Variants in PIK3R6 observed in about 807,000 individuals in gnomAD.
PIK3R6 encodes the protein phosphoinositide 3-kinase regulatory subunit 6.
A neutral mutation model predicts 84.9 loss-of-function variants in PIK3R6; 91 were observed. The observed-to-expected ratio is 1.07, with a 90% CI of 0.90 to 1.28. The LOEUF (loss-of-function observed/expected upper bound fraction) is 1.28, where lower values mean the gene tolerates loss of function less well. Ranked by LOEUF, PIK3R6 falls within the 50% of genes most tolerant of loss-of-function variation. PIK3R6 has a pLI of 0.00. For synonymous variants in PIK3R6, 416 were observed against 411.4 expected (o/e 1.01, Z -0.13); for missense variants, 996 against 985.1 (o/e 1.01, Z -0.15).
At position 8,866,518 on chromosome 17, in the gene PIK3R6, C is replaced by T. The variant is rs531220154; in HGVS notation, c.-92+1011G>A. On this transcript the variant is annotated intron_variant, in intron 1 of 19. Coordinates refer to ENST00000619866, the MANE Select transcript of PIK3R6 (RefSeq NM_001010855.4). Reference sequence around the variant, plus strand: ...GATCGCACCACTACACTCCAGCCTGCGCAAAAGCGTGAGACTGTCTCAACA... The same window carrying T: ...GATCGCACCACTACACTCCAGCCTGTGCAAAAGCGTGAGACTGTCTCAACA... Among the ~76,000 whole-genome samples the T allele has an allele frequency of 7.2e-5, 11 of 152,182 alleles. No individual in the cohort carries two copies. In the East Asian group the frequency reaches 1.2e-3, roughly 16 times the overall value.
intron 1 of PIK3R6, among the ~76,000 whole-genome samples, 153 bp downstream of exon 1, chr17:8,867,376 A>G (rs1219543329): frequency 6.6e-6 from 1 of 152,208 alleles, no homozygotes; most frequent in Non-Finnish European, 1.5e-5. Context: ...CTTCTCAGAA[A>G]GACGGCCCTG....
At chr17:8,853,444 C>G (rs1597436336) in intron 1 of PIK3R6, among the ~76,000 whole-genome samples, 2 of 143,180 alleles carry the variant, frequency 1.4e-5, no homozygotes, top group South Asian at 4.4e-4. Flanking sequence ...GAGATTGTGC[C>G]ACTGCACTCC....
chr17:8,838,435 T>A, intron 4 of PIK3R6, 129 bp downstream of exon 4: 1 of 698,100 alleles, frequency 1.4e-6, no homozygotes, highest in South Asian at 1.8e-5. Flanking sequence ...AGGAGGGAGA[T>A]GCATATGGTA....
In PIK3R6 at chr17:8,803,391, G is replaced by A. The variant is rs745421607; in HGVS notation, c.2147C>T (p.Ala716Val). Residue 716 changes from alanine (A) to valine (V), a missense_variant, in exon 20 of 20, where the codon GCC becomes GTC. Coordinates refer to ENST00000619866, the MANE Select transcript of PIK3R6 (RefSeq NM_001010855.4). The surrounding 1 kb of genome is among the most constrained non-coding windows in gnomAD (Gnocchi z 5.0). ...GAGCCACGGTGCCTTGGACTTCTGG[G>A]CCCCAGAACATGGTTCTGGGCAGGG... is the stretch of plus-strand genomic sequence containing the variant. ...VAPCPEPCSG[A>V]QKSKAPWLNL... The A allele has an allele frequency of 6.2e-6, 10 of 1,612,880 alleles. No individual in the cohort carries two copies. In the African/African-American group the frequency reaches 1.2e-4, roughly 19 times the overall value.
chr17:8,821,893 C>T lies in PIK3R6; in HGVS notation c.1832G>A (p.Arg611Gln), dbSNP rs766215631. 58 of 1,595,806 alleles carry T rather than the reference C, an allele frequency of 3.6e-5. No individual in the cohort carries two copies. Among genetic ancestry groups the T allele is most frequent in the Non-Finnish European group, 4.4e-5 (52 of 1,171,158 alleles). ...HRPREVTVSL[R>Q]ATGLILKAIP... The stretch of plus-strand genomic sequence containing the variant: ...GGCCTTCAGGATCAGCCCAGTGGCC[C>T]GCAGGGAAACGGTGACCTCTCGGGG... Residue 611 changes from arginine (R) to glutamine (Q), a missense_variant, in exon 17 of 20, where the codon CGG becomes CAG. Arg to Gln is a conservative substitution (Grantham distance 43). Transcript: ENST00000619866.
intron 1 of PIK3R6, among the ~76,000 whole-genome samples, chr17:8,860,414 T>C (rs1015899870): frequency 2.6e-5 from 4 of 151,936 alleles, no homozygotes; most frequent in African/African-American, 9.7e-5. Flanking sequence ...GGTGGAGCAG[T>C]TTCATCCCGA....
chr17:8,828,432 G>T, intron 11 of PIK3R6, 135 bp downstream of exon 11: 2 of 1,177,052 alleles, frequency 1.7e-6, no homozygotes, highest in South Asian at 1.5e-5. Flanking sequence ...GCACTGTGCG[G>T]CATCCTCCTC....
At chr17:8,856,062 C>T (rs753756625) in intron 1 of PIK3R6, among the ~76,000 whole-genome samples, 6 of 152,154 alleles carry the variant, frequency 3.9e-5, no homozygotes, top group Non-Finnish European at 7.3e-5. Flanking sequence ...GGCAGCCAGG[C>T]GCTAAATCCT....
At chr17:8,805,023 A>G (rs2087161810) in intron 18 of PIK3R6, among the ~76,000 whole-genome samples, 1 of 152,192 alleles carries the variant, frequency 6.6e-6, no homozygotes, top group South Asian at 2.1e-4. Flanking sequence ...CATCTAGCAG[A>G]GGCACGAGCA....
At chr17:8,864,843 C>T (rs1439266648) in intron 1 of PIK3R6, among the ~76,000 whole-genome samples, 1 of 152,066 alleles carries the variant, frequency 6.6e-6, no homozygotes, top group Non-Finnish European at 1.5e-5. Flanking sequence ...AGCCCCTTCA[C>T]AGTTCCTGGC....
At chr17:8,806,781 T>TA (rs141705152) in intron 18 of PIK3R6, among the ~76,000 whole-genome samples, 2,842 of 152,330 alleles carry the variant, frequency 0.019, 54 homozygotes, top group African/African-American at 0.049. Flanking sequence ...ATCTGACCCT[T>TA]AAACTTACTG....
intron 8 of PIK3R6, among the ~76,000 whole-genome samples, chr17:8,834,457 C>T (rs2088381273): frequency 6.6e-6 from 1 of 152,058 alleles, no homozygotes; most frequent in Non-Finnish European, 1.5e-5. Context: ...TGCAGTGGTA[C>T]AGTCACAGCT....
chr17:8,861,181 C>CAAAAAAAA (rs35125812), intron 1 of PIK3R6, among the ~76,000 whole-genome samples: 2 of 95,654 alleles, frequency 2.1e-5, no homozygotes, highest in African/African-American at 4.0e-5. Flanking sequence ...GACTCTGTCT[C>CAAAAAAAA]AAAAAAAAAA....
intron 9 of PIK3R6, among the ~76,000 whole-genome samples, chr17:8,831,760 G>A (rs921932466): frequency 1.3e-5 from 2 of 152,142 alleles, no homozygotes; most frequent in Non-Finnish European, 2.9e-5. Context: ...CAGTGACTGT[G>A]CATATCTGGG....
intron 2 of PIK3R6, among the ~76,000 whole-genome samples, chr17:8,849,042 A>G (rs1452229917): frequency 3.3e-5 from 5 of 152,132 alleles, no homozygotes; most frequent in East Asian, 1.9e-4. Flanking sequence ...GGGGTTGGTC[A>G]TCTTTCCCTG....
chr17:8,857,815 G>A (rs567564336), intron 1 of PIK3R6, among the ~76,000 whole-genome samples: 7 of 151,204 alleles, frequency 4.6e-5, no homozygotes, highest in African/African-American at 1.5e-4. Flanking sequence ...CAGGAGAATC[G>A]CTTGAATCCG....
chr17:8,812,560 C>T, intron 18 of PIK3R6, among the ~76,000 whole-genome samples: 1 of 152,134 alleles, frequency 6.6e-6, no homozygotes, highest in African/African-American at 2.4e-5. Flanking sequence ...AGTAACTTCT[C>T]AGACCACAGT....
At chr17:8,848,334 G>A (rs1290762525) in intron 2 of PIK3R6, among the ~76,000 whole-genome samples, 2 of 152,216 alleles carry the variant, frequency 1.3e-5, no homozygotes, top group African/African-American at 4.8e-5. Flanking sequence ...TTGTTATAAA[G>A]TGAGTGCAAA....
At chr17:8,838,698 G>A (rs1046864315) in intron 3 of PIK3R6, 43 bp from the exon 4 acceptor site, 7 of 1,531,646 alleles carry the variant, frequency 4.6e-6, no homozygotes, top group African/African-American at 4.1e-5. Context: ...CAGGTGGGCA[G>A]TTCTTAGAGG....
Sources: gnomAD v4.1 joint callset for allele counts (sites outside exome capture counted in the v4.1 genomes callset) on GRCh38, gnomAD v4.1.1 for gene constraint, Gnocchi (gnomAD v3.1) non-coding constraint, MANE v1.5 for transcripts, NCBI Gene and HGNC (gene_info 2026-07-23, HGNC 2026-07-21) for gene names.